Variants in ATG2B observed in about 807,000 individuals in gnomAD.
The protein encoded by ATG2B is autophagy related 2B.
A neutral mutation model predicts 241.3 loss-of-function variants in ATG2B; 121 were observed. The ratio of observed to expected loss-of-function variants is 0.50; its 90% CI spans 0.43 to 0.58. ATG2B has a LOEUF of 0.58. Ranked by LOEUF, ATG2B falls within the 20% of genes least tolerant of loss-of-function variation. ATG2B has a pLI of 0.00. For synonymous variants in ATG2B, 858 were observed against 876.6 expected (o/e 0.98, Z 0.37); for missense variants, 2,306 against 2,491.6 (o/e 0.93, Z 1.59).
In ATG2B at chr14:96,289,674, G is replaced by C. The variant is rs552242263; in HGVS notation, c.5988C>G (p.Ala1996=). 11 of 1,614,190 alleles carry C rather than the reference G, an allele frequency of 6.8e-6. No homozygotes were observed. The African/African-American group carries it at 1.3e-4, about 20-fold the overall frequency. ...CAGTTACCTCTTTCACAACACTGTA[G>C]GCCTTGGCCACACCTTCCCTCAGGT... ...PVDLREGVAK[A]YSVVKEGITD... The change falls in exon 41 of 42, where the codon GCC becomes GCG. Residue 1996 remains alanine (A), a synonymous_variant. Coordinates refer to ENST00000359933, the MANE Select transcript of ATG2B (RefSeq NM_018036.7). This position sits in a 1 kb window ranked among gnomAD's most constrained non-coding sequence, Gnocchi z 4.3.
chr14:96,288,430 T>TAGG (rs1886396512), intron 41 of ATG2B, among the ~76,000 whole-genome samples: 1 of 152,200 alleles, frequency 6.6e-6, no homozygotes, highest in Non-Finnish European at 1.5e-5. Flanking sequence ...GTTTCACAGA[T>TAGG]CTAATTTTAG....
intron 41 of ATG2B, among the ~76,000 whole-genome samples, chr14:96,288,632 T>C (rs1016317945): frequency 2.6e-5 from 4 of 152,248 alleles, no homozygotes; most frequent in African/African-American, 7.2e-5. Context: ...GCTACTTTTC[T>C]CAAGTAAAAG....
chr14:96,281,290 A>G lies in ATG2B; in HGVS notation c.*4465T>C, dbSNP rs2139826726. The G allele has an allele frequency of 6.6e-6, 1 of 152,372 alleles. No individual in the cohort carries two copies. The highest frequency in any genetic ancestry group is 2.1e-4 in the South Asian group (1 of 4,832). 9.4% of individuals were successfully genotyped at this position (152,372 alleles called of 1,614,324 possible). A position where few individuals can be genotyped will look rare whatever the true frequency, so the allele number is the denominator to read the frequency against. ...AGTAAATATTTTAATTTTTTCTTCAAGAGTATTCTTATTTTCATATTATTT... is the reference window on the plus strand; with the variant it reads ...AGTAAATATTTTAATTTTTTCTTCAGGAGTATTCTTATTTTCATATTATTT... On this transcript the variant is annotated 3_prime_UTR_variant, in exon 42 of 42. Transcript: ENST00000359933.
At position 96,290,739 on chromosome 14, in the gene ATG2B, TA is replaced by T. The variant is rs199970480; in HGVS notation, c.5701+74del. The T allele has an allele frequency of 4.7e-3, 7,304 of 1,561,720 alleles. 229 individuals carry two copies. In the South Asian group the frequency reaches 0.057, roughly 12 times the overall value. On this transcript the variant is annotated intron_variant, in intron 39 of 41. Coordinates refer to ENST00000359933, the MANE Select transcript of ATG2B (RefSeq NM_018036.7). This position sits in a 1 kb window ranked among gnomAD's most constrained non-coding sequence, Gnocchi z 4.4. ...GTTTTCTAGACTAATGGTCCTCACA[TA>T]AGTTCTCAAAGGGATAAGAATTACT... is the stretch of plus-strand genomic sequence containing the variant.
At chr14:96,319,594 A>T (rs534383753) in intron 18 of ATG2B, among the ~76,000 whole-genome samples, 2 of 152,212 alleles carry the variant, frequency 1.3e-5, no homozygotes, top group Non-Finnish European at 2.9e-5. Context: ...AAAAATGAAA[A>T]ATAAAAGGAT....
At position 96,290,442 on chromosome 14, in the gene ATG2B, G is replaced by A. The variant is rs759045775; in HGVS notation, c.5850C>T (p.Thr1950=). The change falls in exon 40 of 42, where the codon ACC becomes ACT. Residue 1950 remains threonine, a synonymous_variant. Transcript: ENST00000359933. The surrounding 1 kb of genome is among the most constrained non-coding windows in gnomAD (Gnocchi z 4.4). The part of the protein sequence containing the change: ...ALELTNRMVQ[T]IQAAAETAYD... Reference sequence around the variant, plus strand: ...AGGCAGTCTAAAAAGATACCTGTATGGTTTGAACCATTCTGTTTGTGAGTT... The same window carrying A: ...AGGCAGTCTAAAAAGATACCTGTATAGTTTGAACCATTCTGTTTGTGAGTT... The A allele has an allele frequency of 1.2e-6, 2 of 1,614,110 alleles. No homozygotes were observed. The highest frequency in any genetic ancestry group is 3.3e-5 in the Admixed American group (2 of 60,014).
In ATG2B at chr14:96,311,281, G is replaced by A; in HGVS notation, c.3997C>T (p.Pro1333Ser). Residue 1333 changes from proline to serine, a missense_variant, in exon 28 of 42, where the codon CCC becomes TCC. This residue lies in a region of ATG2B where 1,927 missense variants were observed against 2,011.2 expected (regional missense o/e 0.96). Coordinates refer to ENST00000359933, the MANE Select transcript of ATG2B (RefSeq NM_018036.7). ...CTGGAACAGTGTAACTCAAAGCGGG[G>A]CTCAGTCTGGACAAGACACAGAAAA... ...KSDSDGEQTE[P>S]RFELHCSSDV... The A allele has an allele frequency of 6.2e-7, 1 of 1,611,544 alleles. No individual in the cohort carries two copies.
chr14:96,314,248 A>C (rs569920837), intron 23 of ATG2B, among the ~76,000 whole-genome samples: 1 of 152,216 alleles, frequency 6.6e-6, no homozygotes, highest in Admixed American at 6.5e-5. Context: ...TCCCAGCACA[A>C]TTAAGAAGTT....
chr14:96,324,694 T>C (rs558336979), intron 15 of ATG2B, among the ~76,000 whole-genome samples: 2 of 152,232 alleles, frequency 1.3e-5, no homozygotes, highest in South Asian at 2.1e-4. Flanking sequence ...AAAAATTCTA[T>C]ACGTGTTTTT....
Position 96,285,540 on chromosome 14 carries a change from C to T in ATG2B, c.*215G>A. 1 of 571,204 alleles carries T rather than the reference C, an allele frequency of 1.8e-6. No individual in the cohort carries two copies. Among genetic ancestry groups the T allele is most frequent in the Non-Finnish European group, 3.1e-6 (1 of 320,670 alleles). The allele number at this position is 571,204 out of a possible 1,614,324, so 35.4% of individuals were successfully genotyped here. A position where few individuals can be genotyped will look rare whatever the true frequency, so the allele number is the denominator to read the frequency against. ...CAGCAAATGCTTTAAGGACCTTTGA[C>T]ACCAGCCACCAAACATTTCTATAGG... On this transcript the variant is annotated 3_prime_UTR_variant, in exon 42 of 42. Transcript: ENST00000359933. The surrounding 1 kb of genome is among the most constrained non-coding windows in gnomAD (Gnocchi z 4.2).
chr14:96,324,505 G>GA (rs1275271427), intron 15 of ATG2B, among the ~76,000 whole-genome samples: 2 of 151,986 alleles, frequency 1.3e-5, no homozygotes, highest in Non-Finnish European at 2.9e-5. Context: ...CTCCAACATG[G>GA]AAAAAACCCG....
Position 96,363,108 on chromosome 14 carries a change from G to C in ATG2B, c.-132C>G. ...CCCCTCCATCCCTATTTGGTGCCGG[G>C]AGTCCCTCAGGGAGACCCCATCGCC... On this transcript the variant is annotated 5_prime_UTR_variant, in exon 1 of 42. Transcript: ENST00000359933. The C allele has an allele frequency of 1.9e-6, 2 of 1,040,244 alleles. No individual in the cohort carries two copies. Among genetic ancestry groups the C allele is most frequent in the Non-Finnish European group, 2.9e-6 (2 of 690,892 alleles). 64.4% of individuals were successfully genotyped at this position (1,040,244 alleles called of 1,614,324 possible). A position where few individuals can be genotyped will look rare whatever the true frequency, so the allele number is the denominator to read the frequency against.
Position 96,334,469 on chromosome 14 carries a change from A to ATTT in ATG2B, c.956_957insAAA (p.His319delinsGlnAsn). 1 of 1,609,172 alleles carries ATTT rather than the reference A, an allele frequency of 6.2e-7. No homozygotes were observed. Among genetic ancestry groups the ATTT allele is most frequent in the Non-Finnish European group, 8.5e-7 (1 of 1,178,092 alleles). ...GCACCTGTCTTGGTGACAGGAGTAG[A>ATTT]TGAATAGAGTCTATCTGTCCATCAA... On this transcript the variant is annotated protein_altering_variant, in exon 7 of 42. Coordinates refer to ENST00000359933, the MANE Select transcript of ATG2B (RefSeq NM_018036.7).
intron 38 of ATG2B, 53 bp downstream of exon 38, chr14:96,291,547 G>A: frequency 7.4e-7 from 1 of 1,354,154 alleles, no homozygotes; most frequent in Non-Finnish European, 1.0e-6. Flanking sequence ...TAAATTTGTT[G>A]TACACTAACT....
chr14:96,352,470 G>A (rs2139906070), intron 1 of ATG2B, among the ~76,000 whole-genome samples: 1 of 152,124 alleles, frequency 6.6e-6, no homozygotes, highest in East Asian at 1.9e-4. Flanking sequence ...GGAAAGGACA[G>A]CTCCATGCAT....
intron 32 of ATG2B, among the ~76,000 whole-genome samples, chr14:96,303,499 T>C (rs1886852229): frequency 6.6e-6 from 1 of 152,164 alleles, no homozygotes; most frequent in Non-Finnish European, 1.5e-5. Context: ...CATGGTCAAC[T>C]GAGGTCCAAA....
chr14:96,359,799 T>C (rs1888575774), intron 1 of ATG2B, among the ~76,000 whole-genome samples: 1 of 152,212 alleles, frequency 6.6e-6, no homozygotes, highest in Non-Finnish European at 1.5e-5. Flanking sequence ...ACTGGATGCA[T>C]ATATCCTAAA....
intron 34 of ATG2B, 45 bp downstream of exon 34, chr14:96,301,962 G>T (rs771886141): frequency 4.2e-5 from 58 of 1,396,200 alleles, no homozygotes; most frequent in Non-Finnish European, 5.8e-5. Flanking sequence ...TGAACATGCA[G>T]TCTAATCTAA....
Position 96,315,240 on chromosome 14 carries a change from C to A in ATG2B, c.3562-6G>T. 1 of 1,612,340 alleles carries A rather than the reference C, an allele frequency of 6.2e-7. No homozygotes were observed. Among genetic ancestry groups the A allele is most frequent in the East Asian group, 2.2e-5 (1 of 44,844 alleles). On this transcript the variant is annotated splice_polypyrimidine_tract_variant and splice_region_variant and intron_variant, in intron 22 of 41. Transcript: ENST00000359933. ...CCTACGGCAATGAGAAATTCCTATA[C>A]AGAACAAGACAAAGAATGACATTTA... is the stretch of plus-strand genomic sequence containing the variant.
Sources: allele counts gnomAD v4.1 joint callset (sites outside exome capture counted in the v4.1 genomes callset), GRCh38; gene constraint gnomAD v4.1.1; regional missense constraint gnomAD v4.1.1; non-coding constraint Gnocchi (gnomAD v3.1); transcripts MANE v1.5; gene names NCBI Gene and HGNC (gene_info 2026-07-23, HGNC 2026-07-21).